Variants in DCHS1 observed in about 807,000 individuals in gnomAD.
The protein encoded by DCHS1 is dachsous cadherin-related 1.
In DCHS1, 78 loss-of-function variants were observed where a neutral mutation model predicts 213.9. The ratio of observed to expected loss-of-function variants is 0.36; its 90% CI spans 0.30 to 0.44. DCHS1 has a LOEUF of 0.44. Among genes scored for constraint, DCHS1 ranks in the 20% least tolerant of loss-of-function variants. DCHS1 has a pLI of 1.00. For missense variants in DCHS1, 3,946 were observed against 4,395.9 expected (o/e 0.90, Z 2.89); for synonymous variants, 1,828 against 1,873.7 (o/e 0.98, Z 0.63).
Position 6,631,189 on chromosome 11 carries a change from G to C in DCHS1, c.3794C>G (p.Ser1265Cys). 1 of 1,611,712 alleles carries C rather than the reference G, an allele frequency of 6.2e-7. No homozygotes were observed. The highest frequency in any genetic ancestry group is 8.5e-7 in the Non-Finnish European group (1 of 1,178,338). The part of the protein sequence containing the change: ...TLTGPGSELF[S>C]LHPHSGELLT... ...CAGCTCCCCTGAGTGAGGGTGCAGA[G>C]AGAAAAGCTCTGAGCCAGGACCTGG... The change falls in exon 9 of 21, where the codon TCT becomes TGT. Residue 1265 changes from serine to cysteine, a missense_variant. Coordinates refer to ENST00000299441, the MANE Select transcript of DCHS1 (RefSeq NM_003737.4).
intron 1 of DCHS1, among the ~76,000 whole-genome samples, chr11:6,649,189 G>A (rs1856209564): frequency 6.6e-6 from 1 of 151,280 alleles, no homozygotes; most frequent in Non-Finnish European, 1.5e-5. Flanking sequence ...AGGTAGCAGA[G>A]AGACATTTAG....
chr11:6,626,567 T>C lies in DCHS1; in HGVS notation c.6349A>G (p.Ile2117Val). The change falls in exon 15 of 21, where the codon ATC becomes GTC. Residue 2117 changes from isoleucine (I) to valine (V), a missense_variant. By Grantham distance (29) the Ile-to-Val change is conservative. Coordinates refer to ENST00000299441, the MANE Select transcript of DCHS1 (RefSeq NM_003737.4). The surrounding 1 kb of genome is among the most constrained non-coding windows in gnomAD (Gnocchi z 5.2). Reference protein sequence around the residue: ...LSGNEKGTFSIQPSTGAITVR... With the variant: ...LSGNEKGTFSVQPSTGAITVR... ...TATTTCTTACCTGTACTAGGCTGGA[T>C]GGAGAATGTCCCTTTCTCATTCCCA... 6.2e-7 allele frequency: 1 copy of C among 1,614,000 alleles called. No individual in the cohort carries two copies. Among genetic ancestry groups the C allele is most frequent in the Non-Finnish European group, 8.5e-7 (1 of 1,179,874 alleles).
chr11:6,630,771 T>A lies in DCHS1; in HGVS notation c.4023A>T (p.Ala1341=). 6.5e-7 allele frequency: 1 copy of A among 1,547,276 alleles called. No homozygotes were observed. Among genetic ancestry groups the A allele is most frequent in the Non-Finnish European group, 8.7e-7 (1 of 1,147,266 alleles). ...APVPVVLTVT[A]AEGLRPGSLL... ...GAGAGCCGGGCCGCAGTCCCTCAGC[T>A]GCTGTCACCGTCAGCACGACAGGCA... Residue 1341 remains alanine (A), a synonymous_variant, in exon 10 of 21, where the codon GCA becomes GCT. Transcript: ENST00000299441.
chr11:6,623,066 C>A lies in DCHS1; in HGVS notation c.8610G>T (p.Leu2870=). ...TGCCTGGTGCCCGACTGTCCACCCGCAGGTACAGGGCTCCTGTAGTCTGGT... is the reference window on the plus strand; with the variant it reads ...TGCCTGGTGCCCGACTGTCCACCCGAAGGTACAGGGCTCCTGTAGTCTGGT... ...GINQTTGALY[L]RVDSRAPGSG... is the part of the protein sequence containing the mutation. The change falls in exon 21 of 21, where the codon CTG becomes CTT. Residue 2870 remains leucine (L), a synonymous_variant. Coordinates refer to ENST00000299441, the MANE Select transcript of DCHS1 (RefSeq NM_003737.4). The A allele has an allele frequency of 1.3e-6, 2 of 1,587,136 alleles. No homozygotes were observed. Among genetic ancestry groups the A allele is most frequent in the Non-Finnish European group, 1.7e-6 (2 of 1,166,790 alleles).
chr11:6,644,127 A>C (rs1589962243), intron 1 of DCHS1, among the ~76,000 whole-genome samples: 1 of 152,088 alleles, frequency 6.6e-6, no homozygotes, highest in Non-Finnish European at 1.5e-5. Flanking sequence ...ATACCTACAC[A>C]ACTCTCACCA....
rs746596862 is a variant in DCHS1, at chr11:6,630,325, G to C, written c.4469C>G (p.Ala1490Gly). 3.8e-6 allele frequency: 5 copies of C among 1,329,780 alleles called. No individual in the cohort carries two copies. In the East Asian group the frequency reaches 1.7e-4, roughly 45 times the overall value. The allele number at this position is 1,329,780 out of a possible 1,614,324, so 82.4% of individuals were successfully genotyped here. ...CGGAGCGCTGAGCGCCCCGGTGCGC[G>C]CGTCCAGGCGAAGCGCCGGCACGGG... ...EPPVPALRLD[A>G]RTGALSAPRG... Residue 1490 changes from alanine to glycine, a missense_variant, in exon 10 of 21, where the codon GCG becomes GGG. Physicochemically the swap from Ala to Gly is moderately conservative, Grantham distance 60. This residue lies in a region of DCHS1 where 3,384 missense variants were observed against 3,780.1 expected (regional missense o/e 0.90). Transcript: ENST00000299441.
rs1855697394 is a variant in DCHS1, at chr11:6,621,884, G to C, written c.9792C>G (p.Arg3264=). 1 of 1,612,486 alleles carries C rather than the reference G, an allele frequency of 6.2e-7. No individual in the cohort carries two copies. The highest frequency in any genetic ancestry group is 8.5e-7 in the Non-Finnish European group (1 of 1,179,178). Residue 3264 remains arginine, a synonymous_variant, in exon 21 of 21, where the codon CGC becomes CGG. Transcript: ENST00000299441. ...FSPSLSPLAA[R]SPVVSPFGVA... is the part of the protein sequence containing the mutation. Reference sequence around the variant, plus strand: ...CCCCAAATGGTGAGACAACGGGTGAGCGAGCAGCCAGAGGAGACAGAGAGG... The same window carrying C: ...CCCCAAATGGTGAGACAACGGGTGACCGAGCAGCCAGAGGAGACAGAGAGG...
chr11:6,644,095 A>T (rs1221764235), intron 1 of DCHS1, among the ~76,000 whole-genome samples: 1 of 152,092 alleles, frequency 6.6e-6, no homozygotes, highest in African/African-American at 2.4e-5. Context: ...GGACCTTCTG[A>T]TCCATCTCCA....
At chr11:6,633,702 A>G (rs946603826) in intron 4 of DCHS1, 54 bp from the exon 5 acceptor site, 1 of 1,605,220 alleles carries the variant, frequency 6.2e-7, no homozygotes, top group African/African-American at 1.3e-5. Context: ...AGGGCTAGAA[A>G]GGTTATGGAG....
rs868375864 is a variant in DCHS1, at chr11:6,622,453, C to A, written c.9223G>T (p.Gly3075Cys). The A allele has an allele frequency of 6.4e-7, 1 of 1,561,992 alleles. No homozygotes were observed. The highest frequency in any genetic ancestry group is 8.7e-7 in the Non-Finnish European group (1 of 1,153,004). Residue 3075 changes from glycine to cysteine, a missense_variant, in exon 21 of 21, where the codon GGT becomes TGT. Coordinates refer to ENST00000299441, the MANE Select transcript of DCHS1 (RefSeq NM_003737.4). This position sits in a 1 kb window ranked among gnomAD's most constrained non-coding sequence, Gnocchi z 5.4. ...PDSGIQQDADGLSDTSCEPPA... is the reference protein window; with the variant it reads ...PDSGIQQDADCLSDTSCEPPA... ...GGTTCGCAGGATGTGTCACTCAGAC[C>A]ATCTGCATCCTGCTGGATGCCTGAG...
intron 1 of DCHS1, among the ~76,000 whole-genome samples, chr11:6,646,473 A>G (rs1050417709): frequency 3.9e-5 from 6 of 151,950 alleles, no homozygotes; most frequent in African/African-American, 1.5e-4. Context: ...CTTCCCTGAG[A>G]TTGGCTCCTC....
intron 1 of DCHS1, among the ~76,000 whole-genome samples, chr11:6,652,753 T>C (rs577439631): frequency 6.6e-6 from 1 of 152,294 alleles, no homozygotes; most frequent in African/African-American, 2.4e-5. Flanking sequence ...TCAAAACAGA[T>C]GGCCTCAATT....
intron 4 of DCHS1, 40 bp downstream of exon 4, chr11:6,633,749 G>C (rs778385027): frequency 1.2e-6 from 2 of 1,601,352 alleles, no homozygotes; most frequent in South Asian, 2.2e-5. Context: ...GGTGGGGAGG[G>C]GGACCTGGGG....
chr11:6,649,880 G>T (rs1040783419), intron 1 of DCHS1, among the ~76,000 whole-genome samples: 14 of 152,184 alleles, frequency 9.2e-5, no homozygotes, highest in Non-Finnish European at 1.5e-5. Flanking sequence ...TTGGAAAAGT[G>T]GGAAGCTGAG....
At chr11:6,651,138 G>A (rs73397280) in intron 1 of DCHS1, among the ~76,000 whole-genome samples, 10,801 of 152,214 alleles carry the variant, frequency 0.071, 841 homozygotes, top group African/African-American at 0.19. Context: ...AGGTCCCAGC[G>A]CGGTTTGGGG....
rs111738795 is a variant in DCHS1 at position 6,634,570 on chromosome 11, G to A, written c.1798-264C>T. 1.2e-3 allele frequency among the ~76,000 whole-genome samples: 184 copies of A among 152,282 alleles called. 1 individual carries two copies. Among genetic ancestry groups the A allele is most frequent in the Admixed American group, 2.2e-3 (33 of 15,304 alleles). ...GTGTTTCTGTTTAAAGACATCTTATGTTTAATATACATTGTTCATTCATTA... is the reference window on the plus strand; with the variant it reads ...GTGTTTCTGTTTAAAGACATCTTATATTTAATATACATTGTTCATTCATTA... On this transcript the variant is annotated intron_variant, in intron 2 of 20. Transcript: ENST00000299441.
At position 6,625,019 on chromosome 11, in the gene DCHS1, C is replaced by A. The variant is rs1031004802; in HGVS notation, c.7147-151G>T. On this transcript the variant is annotated intron_variant, in intron 19 of 20. Coordinates refer to ENST00000299441, the MANE Select transcript of DCHS1 (RefSeq NM_003737.4). The surrounding 1 kb of genome is among the most constrained non-coding windows in gnomAD (Gnocchi z 5.3). ...TAAGTATTCGAATGGGAAATGCCCA[C>A]CTTCTCCCCTTTCTGGGTACAGGAT... Among the ~76,000 whole-genome samples, 1 of 152,216 alleles carries A rather than the reference C, an allele frequency of 6.6e-6. No homozygotes were observed. Among genetic ancestry groups the A allele is most frequent in the Non-Finnish European group, 1.5e-5 (1 of 68,042 alleles).
At chr11:6,645,279 G>T (rs1856139310) in intron 1 of DCHS1, among the ~76,000 whole-genome samples, 1 of 152,160 alleles carries the variant, frequency 6.6e-6, no homozygotes, top group Non-Finnish European at 1.5e-5. Flanking sequence ...GTGAACCCAG[G>T]CCTGATCTGA....
chr11:6,651,466 TA>T (rs1480004778), intron 1 of DCHS1, among the ~76,000 whole-genome samples: 1 of 152,148 alleles, frequency 6.6e-6, no homozygotes, highest in Admixed American at 6.5e-5. Context: ...TAACCTTTGT[TA>T]AAAAGAAAAG....
Sources: gnomAD v4.1 joint callset for allele counts (sites outside exome capture counted in the v4.1 genomes callset) on GRCh38, gnomAD v4.1.1 for gene constraint, gnomAD v4.1.1 regional missense constraint, Gnocchi (gnomAD v3.1) non-coding constraint, MANE v1.5 for transcripts, NCBI Gene and HGNC (gene_info 2026-07-23, HGNC 2026-07-21) for gene names.